Variants in ABCA13 observed in about 807,000 individuals in gnomAD.
The protein encoded by ABCA13 is ATP-binding cassette sub-family A member 13.
A neutral mutation model predicts 478.7 loss-of-function variants in ABCA13; 476 were observed. That is an observed-to-expected ratio of 0.99 (90% CI 0.92 to 1.07). The LOEUF (loss-of-function observed/expected upper bound fraction) is 1.07, where lower values mean the gene tolerates loss of function less well. Among genes scored for constraint, ABCA13 ranks in the 50% least tolerant of loss-of-function variants. The pLI is 0.00. For missense variants in ABCA13, 6,060 were observed against 5,910.6 expected (o/e 1.03, Z -0.83); for synonymous variants, 2,252 against 2,158.9 (o/e 1.04, Z -1.20).
In ABCA13 at chr7:48,275,717, A is replaced by G; in HGVS notation, c.6051A>G (p.Lys2017=). Residue 2017 remains lysine (K), a synonymous_variant, in exon 17 of 62, where the codon AAA becomes AAG. Coordinates refer to ENST00000435803, the MANE Select transcript of ABCA13 (RefSeq NM_152701.5). Reference sequence around the variant, plus strand: ...TTTCTGAAGACTGGAGCCTAGAAAAAAGTACGCATAATCTACTCTCTTTAT... The same window carrying G: ...TTTCTGAAGACTGGAGCCTAGAAAAGAGTACGCATAATCTACTCTCTTTAT... ...QLISEDWSLE[K]STHNLLSLFM... 1.2e-6 allele frequency: 2 copies of G among 1,602,446 alleles called. No homozygotes were observed. The highest frequency in any genetic ancestry group is 1.7e-6 in the Non-Finnish European group (2 of 1,173,624).
intron 51 of ABCA13, among the ~76,000 whole-genome samples, chr7:48,512,792 T>C (rs1448451551): frequency 6.6e-6 from 1 of 152,232 alleles, no homozygotes; most frequent in East Asian, 1.9e-4. Context: ...TCAAAGAATT[T>C]CTGGAGATTC....
chr7:48,598,417 T>C (rs1398167224), intron 58 of ABCA13, among the ~76,000 whole-genome samples: 1 of 152,198 alleles, frequency 6.6e-6, no homozygotes, highest in Non-Finnish European at 1.5e-5. Flanking sequence ...TGTGTGAACA[T>C]ATTTTCAACT....
At chr7:48,566,142 A>C (rs1787037924) in intron 55 of ABCA13, among the ~76,000 whole-genome samples, 1 of 152,182 alleles carries the variant, frequency 6.6e-6, no homozygotes, top group South Asian at 2.1e-4. Context: ...TATAAAGGAA[A>C]TTAAATGCCT....
At position 48,272,621 on chromosome 7, in the gene ABCA13, G is replaced by C. The variant is rs373892849; in HGVS notation, c.2955G>C (p.Leu985Phe). 6.2e-7 allele frequency: 1 copy of C among 1,612,890 alleles called. No homozygotes were observed. The highest frequency in any genetic ancestry group is 1.3e-5 in the African/African-American group (1 of 74,862). ...ATATTCAGAGTAGAGGCTCTTCGTT[G>C]ACTTTCCTTACACAAATCTCAAAAC... ...LLNIQSRGSS[L>F]TFLTQISKHI... The change falls in exon 17 of 62, where the codon TTG becomes TTC. Residue 985 changes from leucine to phenylalanine, a missense_variant. This residue lies in a region of ABCA13 where 4,423 missense variants were observed against 4,309.1 expected (regional missense o/e 1.03). Transcript: ENST00000435803.
At chr7:48,500,458 T>C (rs1378101941) in intron 48 of ABCA13, among the ~76,000 whole-genome samples, 1 of 152,082 alleles carries the variant, frequency 6.6e-6, no homozygotes, top group Non-Finnish European at 1.5e-5. Context: ...ATATCCATTA[T>C]TTATTTAAGT....
At chr7:48,406,408 T>C (rs1050803035) in intron 39 of ABCA13, among the ~76,000 whole-genome samples, 2 of 152,180 alleles carry the variant, frequency 1.3e-5, no homozygotes, top group Admixed American at 1.3e-4. Context: ...CAGTTGTATG[T>C]GAAAGTGCAC....
intron 42 of ABCA13, among the ~76,000 whole-genome samples, chr7:48,443,045 G>A (rs1012602800): frequency 2.0e-5 from 3 of 152,118 alleles, no homozygotes; most frequent in African/African-American, 2.4e-5. Flanking sequence ...GGAAATGTAC[G>A]CATAAAAAGA....
At chr7:48,552,797 C>T (rs1310760380) in intron 55 of ABCA13, among the ~76,000 whole-genome samples, 1 of 151,192 alleles carries the variant, frequency 6.6e-6, no homozygotes, top group Non-Finnish European at 1.5e-5. Context: ...GGGTATCTGC[C>T]CCCTCAAACA....
At chr7:48,277,667 T>G (rs1796478985) in intron 17 of ABCA13, among the ~76,000 whole-genome samples, 2 of 152,326 alleles carry the variant, frequency 1.3e-5, no homozygotes, top group South Asian at 4.1e-4. Context: ...AGCCTAGTCA[T>G]GTTGATACAT....
intron 55 of ABCA13, among the ~76,000 whole-genome samples, chr7:48,570,042 A>G (rs1265650518): frequency 6.6e-6 from 1 of 152,062 alleles, no homozygotes; most frequent in Non-Finnish European, 1.5e-5. Flanking sequence ...TCTATTAAAT[A>G]TTGAATATAG....
intron 3 of ABCA13, among the ~76,000 whole-genome samples, chr7:48,208,321 T>G (rs372645797): frequency 2.0e-5 from 3 of 152,140 alleles, no homozygotes; most frequent in African/African-American, 7.2e-5. Flanking sequence ...AAAATGAATT[T>G]TTTTTCTATT....
chr7:48,583,131 C>G (rs889774217), intron 56 of ABCA13, among the ~76,000 whole-genome samples: 1 of 152,158 alleles, frequency 6.6e-6, no homozygotes, highest in Non-Finnish European at 1.5e-5. Context: ...GGCCCCTCAT[C>G]ATCTTAGTTT....
In ABCA13 at chr7:48,227,244, T is replaced by TC; in HGVS notation, c.469-18_469-17insC. The TC allele has an allele frequency of 6.3e-7, 1 of 1,592,824 alleles. No homozygotes were observed. Among genetic ancestry groups the TC allele is most frequent in the Non-Finnish European group, 8.6e-7 (1 of 1,164,168 alleles). On this transcript the variant is annotated splice_polypyrimidine_tract_variant and intron_variant, in intron 5 of 61. Coordinates refer to ENST00000435803, the MANE Select transcript of ABCA13 (RefSeq NM_152701.5). ...AAACTCCAGAGGGAAACTTTTGGTGTATTTTTTTTCCCATCAGATGGATCT... is the reference window on the plus strand; with the variant it reads ...AAACTCCAGAGGGAAACTTTTGGTGTCATTTTTTTTCCCATCAGATGGATCT...
At chr7:48,358,729 C>T (rs1174676731) in intron 31 of ABCA13, among the ~76,000 whole-genome samples, 6 of 151,816 alleles carry the variant, frequency 4.0e-5, no homozygotes, top group Non-Finnish European at 8.8e-5. Flanking sequence ...TAATAAGGGG[C>T]GAAAAGGGAG....
chr7:48,327,295 A>AC (rs1327794328), intron 27 of ABCA13, among the ~76,000 whole-genome samples: 2 of 152,146 alleles, frequency 1.3e-5, no homozygotes, highest in Admixed American at 1.3e-4. Flanking sequence ...CCCTTATAAA[A>AC]CCATCAGATT....
chr7:48,626,296 A>C (rs1231700765), intron 59 of ABCA13, among the ~76,000 whole-genome samples: 6 of 152,184 alleles, frequency 3.9e-5, no homozygotes, highest in Non-Finnish European at 8.8e-5. Flanking sequence ...AAGGATTGGC[A>C]CAGGTAGTTT....
intron 27 of ABCA13, among the ~76,000 whole-genome samples, chr7:48,330,822 C>A (rs1805275003): frequency 6.6e-6 from 1 of 152,232 alleles, no homozygotes; most frequent in South Asian, 2.1e-4. Flanking sequence ...CCCAACCATT[C>A]ATTCATCCAT....
intron 1 of ABCA13, among the ~76,000 whole-genome samples, chr7:48,191,990 G>A (rs890842575): frequency 6.6e-6 from 1 of 152,054 alleles, no homozygotes; most frequent in Admixed American, 6.5e-5. Flanking sequence ...AGATTTTTAG[G>A]TTTTTTTTTG....
chr7:48,187,446 T>G (rs1796520764), intron 1 of ABCA13, among the ~76,000 whole-genome samples: 2 of 151,998 alleles, frequency 1.3e-5, no homozygotes, highest in South Asian at 4.1e-4. Flanking sequence ...TTCTCCTATC[T>G]TATATCTTTG....
Sources: gnomAD v4.1 joint callset for allele counts (sites outside exome capture counted in the v4.1 genomes callset) on GRCh38, gnomAD v4.1.1 for gene constraint, gnomAD v4.1.1 regional missense constraint, MANE v1.5 for transcripts, NCBI Gene and HGNC (gene_info 2026-07-23, HGNC 2026-07-21) for gene names.